Variants in PDZRN4 observed in about 807,000 individuals in gnomAD.
PDZRN4 encodes the protein PDZ domain-containing RING finger protein 4.
PDZRN4 carries 70 observed loss-of-function variants against 99.0 expected under a neutral mutation model. The observed-to-expected ratio is 0.71, with a 90% CI of 0.58 to 0.86. PDZRN4 has a LOEUF of 0.86. Among genes scored for constraint, PDZRN4 ranks in the 40% least tolerant of loss-of-function variants. The pLI, the probability that PDZRN4 is intolerant of heterozygous loss-of-function variation, is 0.00. For synonymous variants in PDZRN4, 551 were observed against 501.6 expected (o/e 1.10, Z -1.32); for missense variants, 1,474 against 1,331.2 (o/e 1.11, Z -1.67).
intron 5 of PDZRN4, among the ~76,000 whole-genome samples, chr12:41,538,152 G>GTT (rs1159551215): frequency 6.6e-6 from 1 of 151,636 alleles, no homozygotes; most frequent in Admixed American, 6.6e-5. Context: ...CTAATCTTAA[G>GTT]TAACTATATG....
At chr12:41,284,735 C>T (rs539060447) in intron 3 of PDZRN4, among the ~76,000 whole-genome samples, 1 of 152,146 alleles carries the variant, frequency 6.6e-6, no homozygotes, top group Admixed American at 6.5e-5. Context: ...TTTGACAAAC[C>T]TGACAAAAAT....
At chr12:41,336,769 T>C (rs1307110680) in intron 3 of PDZRN4, among the ~76,000 whole-genome samples, 1 of 151,978 alleles carries the variant, frequency 6.6e-6, no homozygotes, top group Non-Finnish European at 1.5e-5. Flanking sequence ...AGGTTGAAGA[T>C]GGAATCATGG....
chr12:41,205,860 A>C (rs1309908936), intron 3 of PDZRN4, among the ~76,000 whole-genome samples: 1 of 151,906 alleles, frequency 6.6e-6, no homozygotes, highest in Non-Finnish European at 1.5e-5. Flanking sequence ...CAGGCTCCCC[A>C]AAACCTTCCC....
At chr12:41,549,305 T>C (rs1187524573) in intron 5 of PDZRN4, among the ~76,000 whole-genome samples, 2 of 152,198 alleles carry the variant, frequency 1.3e-5, no homozygotes, top group Non-Finnish European at 2.9e-5. Context: ...CAGAGGCTTG[T>C]GTGTCCTGTG....
At chr12:41,220,361 A>G (rs992464487) in intron 3 of PDZRN4, among the ~76,000 whole-genome samples, 1 of 152,126 alleles carries the variant, frequency 6.6e-6, no homozygotes, top group Non-Finnish European at 1.5e-5. Flanking sequence ...ATATTGGATT[A>G]GAGATCACCC....
intron 8 of PDZRN4, among the ~76,000 whole-genome samples, chr12:41,566,715 T>G (rs1229613522): frequency 1.3e-5 from 2 of 152,206 alleles, no homozygotes; most frequent in Non-Finnish European, 2.9e-5. Flanking sequence ...GTTTTTAAGT[T>G]GTAGAAGTTC....
chr12:41,242,976 T>C (rs974888585), intron 3 of PDZRN4, among the ~76,000 whole-genome samples: 1 of 152,216 alleles, frequency 6.6e-6, no homozygotes, highest in Non-Finnish European at 1.5e-5. Context: ...TTGCAGTGTG[T>C]GTTGGTCCTA....
chr12:41,236,221 G>A (rs929732266), intron 3 of PDZRN4, among the ~76,000 whole-genome samples: 13 of 152,140 alleles, frequency 8.5e-5, no homozygotes. Context: ...TATCTTATTT[G>A]TGCCTTTGTA....
intron 3 of PDZRN4, among the ~76,000 whole-genome samples, chr12:41,394,428 C>T (rs1439210489): frequency 1.3e-5 from 2 of 152,074 alleles, no homozygotes; most frequent in East Asian, 1.9e-4. Context: ...CAAAATATAC[C>T]TTCTAATTAC....
rs540859374 is a variant in PDZRN4, at chr12:41,542,906, T to C, written c.1204-9750T>C. Among the ~76,000 whole-genome samples the C allele has an allele frequency of 3.0e-3, 456 of 152,300 alleles. 1 individual carries two copies. The highest frequency in any genetic ancestry group is 4.1e-3 in the South Asian group (20 of 4,826). On this transcript the variant is annotated intron_variant, in intron 5 of 9. Coordinates refer to ENST00000402685, the MANE Select transcript of PDZRN4 (RefSeq NM_001164595.2). ...GGTTAAATACCAGAAAATCAAGTTC[T>C]TGCTTTCTCTCAATCATCCTAATTT...
At chr12:41,194,464 A>G (rs1024262081) in intron 3 of PDZRN4, among the ~76,000 whole-genome samples, 2 of 152,074 alleles carry the variant, frequency 1.3e-5, no homozygotes, top group Non-Finnish European at 2.9e-5. Flanking sequence ...GTGAGACTTC[A>G]TCTCTACCAA....
chr12:41,343,208 C>T (rs547467598), intron 3 of PDZRN4, among the ~76,000 whole-genome samples: 2 of 151,684 alleles, frequency 1.3e-5, no homozygotes, highest in Non-Finnish European at 3.0e-5. Context: ...TATCCATTTC[C>T]TCTAGATTTT....
At chr12:41,490,575 A>G (rs2730808) in intron 3 of PDZRN4, among the ~76,000 whole-genome samples, 2,326 of 152,096 alleles carry the variant, frequency 0.015, 70 homozygotes, top group African/African-American at 0.053. Context: ...TGCATATATT[A>G]TATATTATAG....
At chr12:41,558,205 G>A (rs750400916) in intron 7 of PDZRN4, among the ~76,000 whole-genome samples, 62 of 152,190 alleles carry the variant, frequency 4.1e-4, no homozygotes, top group Non-Finnish European at 7.6e-4. Flanking sequence ...GATGCTCAGA[G>A]TCACGTTACA....
At chr12:41,325,717 A>C (rs1285050852) in intron 3 of PDZRN4, among the ~76,000 whole-genome samples, 1 of 152,180 alleles carries the variant, frequency 6.6e-6, no homozygotes, top group African/African-American at 2.4e-5. Flanking sequence ...GTGATTTTCA[A>C]ACCTTAGATA....
rs574503256 is a variant in PDZRN4, at chr12:41,358,273, G to C, written c.844-148183G>C. ...CCCAACTAGTTATGTATGCTGAAAT[G>C]AAGAATTACATTTAGGTTTACCAGA... On this transcript the variant is annotated intron_variant, in intron 3 of 9. Transcript: ENST00000402685. 6.3e-4 allele frequency among the ~76,000 whole-genome samples: 96 copies of C among 152,060 alleles called. 2 individuals carry two copies. The highest frequency in any genetic ancestry group is 6.0e-3 in the Admixed American group (92 of 15,234).
At chr12:41,433,261 G>A (rs12305318) in intron 3 of PDZRN4, among the ~76,000 whole-genome samples, 14,399 of 151,866 alleles carry the variant, frequency 0.095, 1,785 homozygotes, top group African/African-American at 0.27. Context: ...AGACATGTTC[G>A]TGTAGCTCTA....
chr12:41,340,191 G>C (rs1951806113), intron 3 of PDZRN4, among the ~76,000 whole-genome samples: 1 of 152,058 alleles, frequency 6.6e-6, no homozygotes, highest in Non-Finnish European at 1.5e-5. Flanking sequence ...TCCATCAACA[G>C]ATGAATGGAT....
intron 3 of PDZRN4, among the ~76,000 whole-genome samples, chr12:41,497,320 A>T (rs1374416162): frequency 6.6e-6 from 1 of 152,046 alleles, no homozygotes; most frequent in Non-Finnish European, 1.5e-5. Context: ...AAATAATTTG[A>T]GTTTATTTCA....
Sources: allele counts gnomAD v4.1 joint callset (sites outside exome capture counted in the v4.1 genomes callset), GRCh38; gene constraint gnomAD v4.1.1; transcripts MANE v1.5; gene names NCBI Gene and HGNC (gene_info 2026-07-23, HGNC 2026-07-21).